RASAL2: variants seen among roughly 807,000 people sequenced by gnomAD.
RASAL2 encodes the protein ras GTPase-activating protein nGAP.
In RASAL2, 58 loss-of-function variants were observed where a neutral mutation model predicts 128.9. That is an observed-to-expected ratio of 0.45 (90% confidence interval 0.36 to 0.56). RASAL2 has a LOEUF of 0.56. Among genes scored for constraint, RASAL2 ranks in the 20% least tolerant of loss-of-function variants. The probability of loss-of-function intolerance (pLI) is 0.00; values close to 1 mark genes in which losing one functional copy is unlikely to be tolerated. For synonymous variants in RASAL2, 561 were observed against 580.8 expected (o/e 0.97, Z 0.49); for missense variants, 1,360 against 1,601.6 (o/e 0.85, Z 2.57).
At chr1:178,382,954 A>G (rs1672362333) in intron 3 of RASAL2, among the ~76,000 whole-genome samples, 1 of 152,152 alleles carries the variant, frequency 6.6e-6, no homozygotes, top group African/African-American at 2.4e-5. Flanking sequence ...TTTGCACTAA[A>G]AGTATTCTCT....
intron 9 of RASAL2, among the ~76,000 whole-genome samples, chr1:178,446,808 A>T (rs991740651): frequency 6.6e-6 from 1 of 152,208 alleles, no homozygotes; most frequent in South Asian, 2.1e-4. Flanking sequence ...GAATTGTCAA[A>T]CTTTCTGTGT....
intron 3 of RASAL2, among the ~76,000 whole-genome samples, chr1:178,374,683 C>G (rs1295399999): frequency 6.6e-6 from 1 of 152,082 alleles, no homozygotes. Flanking sequence ...CCTTTCACAC[C>G]TGACATTCTA....
chr1:178,430,259 T>TAATC (rs1427217337), intron 5 of RASAL2, among the ~76,000 whole-genome samples: 3 of 152,142 alleles, frequency 2.0e-5, no homozygotes, highest in Non-Finnish European at 4.4e-5. Context: ...AGCCATTAAT[T>TAATC]AATCAATACA....
chr1:178,308,833 A>G (rs1668113722), intron 3 of RASAL2, among the ~76,000 whole-genome samples: 1 of 152,078 alleles, frequency 6.6e-6, no homozygotes, highest in African/African-American at 2.4e-5. Flanking sequence ...CTTTATTTGT[A>G]AATTAGTGAG....
At position 178,445,541 on chromosome 1, in the gene RASAL2, G is replaced by A. The variant is rs1676938753; in HGVS notation, c.1506G>A (p.Met502Ile). 1.2e-6 allele frequency: 2 copies of A among 1,613,778 alleles called. No individual in the cohort carries two copies. Among genetic ancestry groups the A allele is most frequent in the Non-Finnish European group, 1.7e-6 (2 of 1,179,766 alleles). ...RAKDFLTDLV[M>I]SEVDRCGEHD... ...AGGATTTTCTGACTGACTTGGTGAT[G>A]TCTGAGGTGGATCGTTGTGGAGAGC... The change falls in exon 9 of 18, where the codon ATG becomes ATA. Residue 502 changes from methionine (M) to isoleucine (I), a missense_variant. By Grantham distance (10) the Met-to-Ile change is conservative. Coordinates refer to ENST00000367649, the MANE Select transcript of RASAL2 (RefSeq NM_170692.4).
At chr1:178,333,292 G>A (rs538333318) in intron 3 of RASAL2, among the ~76,000 whole-genome samples, 1 of 152,286 alleles carries the variant, frequency 6.6e-6, no homozygotes, top group South Asian at 2.1e-4. Context: ...CTCCCAAAGT[G>A]CTGGGATTAC....
At chr1:178,182,039 C>T (rs1372121482) in intron 1 of RASAL2, among the ~76,000 whole-genome samples, 1 of 152,026 alleles carries the variant, frequency 6.6e-6, no homozygotes, top group Non-Finnish European at 1.5e-5. Flanking sequence ...TGTTATATTC[C>T]ACCTCCTTGA....
At chr1:178,286,087 G>T (rs1004253738) in intron 2 of RASAL2, among the ~76,000 whole-genome samples, 1 of 152,120 alleles carries the variant, frequency 6.6e-6, no homozygotes, top group African/African-American at 2.4e-5. Flanking sequence ...CTATGGCTCT[G>T]TGTATTCTCT....
intron 1 of RASAL2, among the ~76,000 whole-genome samples, chr1:178,263,076 A>G (rs1571733505): frequency 6.6e-6 from 1 of 152,190 alleles, no homozygotes; most frequent in South Asian, 2.1e-4. Context: ...AAATCTGTGC[A>G]GTACTTTTTT....
Position 178,442,759 on chromosome 1 carries a change from G to C in RASAL2, c.1012G>C (p.Glu338Gln), listed in dbSNP as rs1338563572. 1.2e-6 allele frequency: 2 copies of C among 1,613,812 alleles called. No individual in the cohort carries two copies. Among genetic ancestry groups the C allele is most frequent in the Non-Finnish European group, 1.7e-6 (2 of 1,179,912 alleles). ...TGCCCCTAAAAAGAAATATTTCTGC[G>C]AACTGTGCCTTGATGATACCCTCTT... ...DLAPKKKYFC[E>Q]LCLDDTLFAR... is the part of the protein sequence containing the mutation. Residue 338 changes from glutamate to glutamine, a missense_variant, in exon 8 of 18, where the codon GAA becomes CAA. Transcript: ENST00000367649.
At chr1:178,449,967 C>T (rs1450294872) in intron 9 of RASAL2, among the ~76,000 whole-genome samples, 3 of 151,764 alleles carry the variant, frequency 2.0e-5, no homozygotes, top group Non-Finnish European at 4.4e-5. Flanking sequence ...TAGAGTTTGG[C>T]CAGTTTTTAC....
At chr1:178,253,866 G>A (rs1273279365) in intron 1 of RASAL2, among the ~76,000 whole-genome samples, 4 of 152,060 alleles carry the variant, frequency 2.6e-5, no homozygotes, top group African/African-American at 4.8e-5. Flanking sequence ...CACTTGCTTC[G>A]GGCCATCTGG....
At chr1:178,223,840 G>C (rs928237213) in intron 1 of RASAL2, among the ~76,000 whole-genome samples, 2 of 152,090 alleles carry the variant, frequency 1.3e-5, no homozygotes, top group African/African-American at 4.8e-5. Flanking sequence ...ATTGGATATT[G>C]AATGGTGAGA....
chr1:178,268,633 G>A (rs754879652), intron 1 of RASAL2, among the ~76,000 whole-genome samples: 1 of 152,038 alleles, frequency 6.6e-6, no homozygotes, highest in East Asian at 1.9e-4. Flanking sequence ...AGAAAAAAAA[G>A]AGAGAGAGGA....
intron 4 of RASAL2, among the ~76,000 whole-genome samples, chr1:178,397,611 AC>A (rs1414008185): frequency 1.3e-5 from 2 of 151,086 alleles, no homozygotes; most frequent in Non-Finnish European, 3.0e-5. Flanking sequence ...TTTATTTTTT[AC>A]TTACTTTTTT....
intron 3 of RASAL2, among the ~76,000 whole-genome samples, chr1:178,375,597 C>CT (rs1491166118): frequency 3.7e-4 from 57 of 152,204 alleles, no homozygotes; most frequent in African/African-American, 1.3e-3. Flanking sequence ...GCTTAATCCT[C>CT]TGTCTTTTCA....
intron 4 of RASAL2, among the ~76,000 whole-genome samples, chr1:178,414,671 A>G (rs1330412242): frequency 1.3e-5 from 2 of 152,192 alleles, no homozygotes; most frequent in African/African-American, 4.8e-5. Context: ...AAGACATTGT[A>G]GAGAATTGGT....
intron 1 of RASAL2, among the ~76,000 whole-genome samples, chr1:178,097,216 C>T (rs1023186387): frequency 6.6e-6 from 1 of 152,174 alleles, no homozygotes; most frequent in African/African-American, 2.4e-5. Context: ...AGTTGGTTGT[C>T]TAATTCTGGG....
At chr1:178,330,761 G>A (rs1360729863) in intron 3 of RASAL2, among the ~76,000 whole-genome samples, 1 of 152,046 alleles carries the variant, frequency 6.6e-6, no homozygotes, top group African/African-American at 2.4e-5. Context: ...ATGTCAAATG[G>A]GGGGTGAATG....
Sources: gnomAD v4.1 joint callset for allele counts (sites outside exome capture counted in the v4.1 genomes callset) on GRCh38, gnomAD v4.1.1 for gene constraint, MANE v1.5 for transcripts, NCBI Gene and HGNC (gene_info 2026-07-23, HGNC 2026-07-21) for gene names.